The following KIRREL3 variants were observed in gnomAD, a reference collection of about 807,000 sequenced individuals.
KIRREL3 encodes kin of IRRE-like protein 3.
A neutral mutation model predicts 89.7 loss-of-function variants in KIRREL3; 36 were observed. The ratio of observed to expected loss-of-function variants is 0.40; its 90% CI spans 0.31 to 0.53. The LOEUF is 0.53. Ranked by LOEUF, KIRREL3 falls within the 20% of genes least tolerant of loss-of-function variation. KIRREL3 has a pLI of 0.49. For missense variants in KIRREL3, 864 were observed against 1,056.6 expected (o/e 0.82, Z 2.53); for synonymous variants, 445 against 441.4 (o/e 1.01, Z -0.10).
At chr11:126,483,348 T>A (rs1389662681) in intron 4 of KIRREL3, among the ~76,000 whole-genome samples, 1 of 152,272 alleles carries the variant, frequency 6.6e-6, no homozygotes, top group Non-Finnish European at 1.5e-5. Context: ...TTTGGTTAAA[T>A]ACATCTGTTG....
intron 7 of KIRREL3, among the ~76,000 whole-genome samples, chr11:126,450,509 G>A (rs1454742063): frequency 1.3e-5 from 2 of 149,500 alleles, no homozygotes; most frequent in South Asian, 2.1e-4. Context: ...ATGTGTGCAT[G>A]TGTGTGTGTG....
intron 2 of KIRREL3, among the ~76,000 whole-genome samples, chr11:126,560,795 G>T (rs1940061051): frequency 6.6e-6 from 1 of 152,170 alleles, no homozygotes. Context: ...GAAGCTAATT[G>T]TTCTAATATC....
intron 15 of KIRREL3, among the ~76,000 whole-genome samples, chr11:126,426,766 G>A (rs1954953669): frequency 6.6e-6 from 1 of 152,194 alleles, no homozygotes; most frequent in Non-Finnish European, 1.5e-5. Flanking sequence ...TGCTTTCCTC[G>A]TTTCTTTTTG....
chr11:126,588,092 C>G (rs1052883744), intron 1 of KIRREL3, among the ~76,000 whole-genome samples: 1 of 152,212 alleles, frequency 6.6e-6, no homozygotes, highest in South Asian at 2.1e-4. Context: ...CTTAAACTCT[C>G]TAGTCTTAGT....
chr11:126,450,352 T>C (rs557992674), intron 7 of KIRREL3, among the ~76,000 whole-genome samples: 6 of 151,256 alleles, frequency 4.0e-5, no homozygotes, highest in Non-Finnish European at 8.8e-5. Flanking sequence ...TGTGTGTCCA[T>C]GTGCATGTGT....
At chr11:126,973,501 C>A (rs978104124) in intron 1 of KIRREL3, among the ~76,000 whole-genome samples, 16 of 152,182 alleles carry the variant, frequency 1.1e-4, no homozygotes, top group Non-Finnish European at 2.4e-4. Flanking sequence ...AGATCCATTT[C>A]TGTTACAGAC....
At position 126,579,725 on chromosome 11, in the gene KIRREL3, A is replaced by G. The variant is rs1437070092; in HGVS notation, c.56-16813T>C. Among the ~76,000 whole-genome samples the G allele has an allele frequency of 1.3e-5, 2 of 152,090 alleles. No individual in the cohort carries two copies. The highest frequency in any genetic ancestry group is 2.9e-5 in the Non-Finnish European group (2 of 68,022). The stretch of plus-strand genomic sequence containing the variant: ...TGCTTCCAGGTTACCACTGCTGGTA[A>G]GCAATGTGCCCAACCACCCTCTCTG... On this transcript the variant is annotated intron_variant, in intron 1 of 16. Transcript: ENST00000525144. This position sits in a 1 kb window ranked among gnomAD's most constrained non-coding sequence, Gnocchi z 5.3.
Position 126,628,839 on chromosome 11 carries a change from T to C in KIRREL3, c.56-65927A>G, listed in dbSNP as rs1425738981. On this transcript the variant is annotated intron_variant, in intron 1 of 16. Transcript: ENST00000525144. The surrounding 1 kb of genome is among the most constrained non-coding windows in gnomAD (Gnocchi z 5.2). ...CGCTCTGCCTGTGCAGGGTCCATCC[T>C]GAGGAGAGTCTGAGCAACTGAGGAT... Among the ~76,000 whole-genome samples, 1 of 152,174 alleles carries C rather than the reference T, an allele frequency of 6.6e-6. No homozygotes were observed. Among genetic ancestry groups the C allele is most frequent in the Admixed American group, 6.5e-5 (1 of 15,272 alleles).
At chr11:126,922,991 T>C (rs185679584) in intron 1 of KIRREL3, among the ~76,000 whole-genome samples, 164 of 152,338 alleles carry the variant, frequency 1.1e-3, no homozygotes, top group African/African-American at 3.8e-3. Flanking sequence ...TCGGTGCCCT[T>C]GCACCAAGCA....
In KIRREL3 at chr11:126,468,960, C is replaced by T. The variant is rs1414317568; in HGVS notation, c.591+4349G>A. The stretch of plus-strand genomic sequence containing the variant: ...CACCGATGTCTGCATATGGGAAACG[C>T]GAGGTCCATAGTGGGGTGGACCTTG... On this transcript the variant is annotated intron_variant, in intron 5 of 16. Transcript: ENST00000525144. Among the ~76,000 whole-genome samples the T allele has an allele frequency of 2.6e-5, 4 of 152,306 alleles. No individual in the cohort carries two copies. The East Asian group carries it at 5.8e-4, about 22-fold the overall frequency.
chr11:126,700,394 A>C (rs900083494), intron 1 of KIRREL3, among the ~76,000 whole-genome samples: 1 of 152,328 alleles, frequency 6.6e-6, no homozygotes, highest in Admixed American at 6.5e-5. Context: ...CTTTCTTCTT[A>C]AGAACACTCT....
In KIRREL3 at chr11:126,432,191, T is replaced by C. The variant is rs1368832570; in HGVS notation, c.1589-665A>G. ...TCCCTCCATCTCCAGGTCTGCAGCT[T>C]CTCCCTCAAGGCTGCCCCTCTGAGC... On this transcript the variant is annotated intron_variant, in intron 13 of 16. Coordinates refer to ENST00000525144, the MANE Select transcript of KIRREL3 (RefSeq NM_032531.4). The surrounding 1 kb of genome is among the most constrained non-coding windows in gnomAD (Gnocchi z 6.2). Among the ~76,000 whole-genome samples the C allele has an allele frequency of 6.6e-6, 1 of 151,928 alleles. No individual in the cohort carries two copies. Among genetic ancestry groups the C allele is most frequent in the African/African-American group, 2.4e-5 (1 of 41,360 alleles).
At chr11:126,793,582 G>A (rs1184752972) in intron 1 of KIRREL3, among the ~76,000 whole-genome samples, 1 of 152,188 alleles carries the variant, frequency 6.6e-6, no homozygotes, top group Admixed American at 6.5e-5. Context: ...TCAGGTCACT[G>A]GCAGTGACTC....
intron 11 of KIRREL3, among the ~76,000 whole-genome samples, chr11:126,437,382 CAA>C (rs56699538): frequency 0.14 from 20,722 of 152,216 alleles, 1,551 homozygotes; most frequent in Middle Eastern, 0.17. Context: ...TGCACACACA[CAA>C]GTGTGCACCC....
chr11:126,493,451 C>G (rs34935237), intron 4 of KIRREL3, among the ~76,000 whole-genome samples: 7 of 150,532 alleles, frequency 4.7e-5, no homozygotes, highest in Admixed American at 4.6e-4. Flanking sequence ...GTCAGGAGAT[C>G]GAGACCACCC....
At chr11:126,933,368 C>T (rs1383035116) in intron 1 of KIRREL3, among the ~76,000 whole-genome samples, 2 of 151,824 alleles carry the variant, frequency 1.3e-5, no homozygotes, top group Non-Finnish European at 1.5e-5. Context: ...TTCTGTCATT[C>T]TAGTCCCTAT....
intron 1 of KIRREL3, among the ~76,000 whole-genome samples, chr11:126,720,846 G>T (rs916745221): frequency 2.6e-5 from 4 of 152,186 alleles, no homozygotes; most frequent in African/African-American, 4.8e-5. Flanking sequence ...AGAAGATAGC[G>T]AGGGGACCTG....
Position 126,867,026 on chromosome 11 carries a change from G to A in KIRREL3, c.55+133429C>T, listed in dbSNP as rs1018676611. ...ATAAGGCAGAGGGTCTAATTGAGCT[G>A]GTTAACACAAGCTGCCAACGGACAG... On this transcript the variant is annotated intron_variant, in intron 1 of 16. Transcript: ENST00000525144. The surrounding 1 kb of genome is among the most constrained non-coding windows in gnomAD (Gnocchi z 4.7). 6.6e-6 allele frequency among the ~76,000 whole-genome samples: 1 copy of A among 152,214 alleles called. No individual in the cohort carries two copies. Among genetic ancestry groups the A allele is most frequent in the Non-Finnish European group, 1.5e-5 (1 of 68,036 alleles).
At position 126,578,437 on chromosome 11, in the gene KIRREL3, C is replaced by T. The variant is rs1310034307; in HGVS notation, c.56-15525G>A. Among the ~76,000 whole-genome samples, 1 of 152,228 alleles carries T rather than the reference C, an allele frequency of 6.6e-6. No individual in the cohort carries two copies. The highest frequency in any genetic ancestry group is 1.5e-5 in the Non-Finnish European group (1 of 68,048). On this transcript the variant is annotated intron_variant, in intron 1 of 16. Transcript: ENST00000525144. This position sits in a 1 kb window ranked among gnomAD's most constrained non-coding sequence, Gnocchi z 4.9. ...ATCTTGGTCTTGGCGTGAACTTCCA[C>T]ATGAACGTGACTCCGTGCCTACCTG...
Sources: gnomAD v4.1 joint callset for allele counts (sites outside exome capture counted in the v4.1 genomes callset) on GRCh38, gnomAD v4.1.1 for gene constraint, Gnocchi (gnomAD v3.1) non-coding constraint, MANE v1.5 for transcripts, NCBI Gene and HGNC (gene_info 2026-07-23, HGNC 2026-07-21) for gene names.